The following VDAC1 variants were observed in gnomAD, a reference collection of about 807,000 sequenced individuals.
The protein encoded by VDAC1 is non-selective voltage-gated ion channel VDAC1.
In VDAC1, 10 loss-of-function variants were observed where a neutral mutation model predicts 34.7. The observed-to-expected ratio is 0.29, with a 90% CI of 0.18 to 0.49. The LOEUF (loss-of-function observed/expected upper bound fraction) is 0.49, where lower values mean the gene tolerates loss of function less well. Ranked by LOEUF, VDAC1 falls within the 20% of genes least tolerant of loss-of-function variation. The pLI, the probability that VDAC1 is intolerant of heterozygous loss-of-function variation, is 0.99. For missense variants in VDAC1, 230 were observed against 347.9 expected, an observed-to-expected ratio of 0.66 and a Z score of 2.69; for synonymous variants, 130 against 136.0, an observed-to-expected ratio of 0.96 and a Z score of 0.30.
chr5:133,994,494 G>C (rs578189800), intron 1 of VDAC1, among the ~76,000 whole-genome samples: 37 of 152,238 alleles, frequency 2.4e-4, no homozygotes, highest in Non-Finnish European at 4.4e-4. Flanking sequence ...AGAGAGATGA[G>C]GGGGGAAGAT....
the VDAC1 span, among the ~76,000 whole-genome samples, chr5:134,052,336 CT>C: frequency 3.3e-4 from 50 of 149,822 alleles, no homozygotes; most frequent in African/African-American, 8.8e-4. Context: ...TTATGTAAAA[CT>C]TTTTTTTTTG....
At chr5:134,085,225 C>A in the VDAC1 span, among the ~76,000 whole-genome samples, 3 of 152,020 alleles carry the variant, frequency 2.0e-5, no homozygotes, top group South Asian at 2.1e-4. Flanking sequence ...CCCACCACCA[C>A]GCCCGGCTAG....
At chr5:134,045,945 A>G in the VDAC1 span, among the ~76,000 whole-genome samples, 1 of 151,176 alleles carries the variant, frequency 6.6e-6, no homozygotes, top group East Asian at 1.9e-4. Context: ...TCAGCCTCCC[A>G]AAGTGCTGGG....
chr5:133,983,787 A>G (rs1752793451), intron 5 of VDAC1, among the ~76,000 whole-genome samples: 1 of 152,124 alleles, frequency 6.6e-6, no homozygotes, highest in South Asian at 2.1e-4. Flanking sequence ...TGGTTAGACC[A>G]TGGGGGTGGA....
chr5:134,013,098 C>T, the VDAC1 span, among the ~76,000 whole-genome samples: 54 of 152,204 alleles, frequency 3.5e-4, no homozygotes, highest in African/African-American at 1.1e-3. Flanking sequence ...TAACTCAAGA[C>T]GGATTAAAGA....
the VDAC1 span, among the ~76,000 whole-genome samples, chr5:134,073,455 A>C: frequency 2.0e-5 from 3 of 152,142 alleles, no homozygotes; most frequent in African/African-American, 7.2e-5. Context: ...TACCCAACAA[A>C]GTTTGAGCAT....
the VDAC1 span, among the ~76,000 whole-genome samples, chr5:134,033,324 A>C: frequency 2.6e-5 from 4 of 151,504 alleles, no homozygotes; most frequent in East Asian, 7.9e-4. Flanking sequence ...TGCCCGGCTA[A>C]TTTTTATATT....
At chr5:134,027,924 C>T in the VDAC1 span, among the ~76,000 whole-genome samples, 5 of 151,496 alleles carry the variant, frequency 3.3e-5, no homozygotes, top group Admixed American at 2.0e-4. Flanking sequence ...GCGCCCACCA[C>T]CATACCCTGC....
the VDAC1 span, among the ~76,000 whole-genome samples, chr5:134,048,425 C>A: frequency 6.6e-6 from 1 of 152,088 alleles, no homozygotes; most frequent in Non-Finnish European, 1.5e-5. Flanking sequence ...CATTAGCACG[C>A]CTGGCTAACT....
At chr5:133,976,065 G>A (rs773034774) in intron 6 of VDAC1, 44 bp from the exon 7 acceptor site, 5 of 1,612,488 alleles carry the variant, frequency 3.1e-6, no homozygotes, top group African/African-American at 1.3e-5. Context: ...CCAGGGAGGT[G>A]AGCTGCAGCC....
the VDAC1 span, among the ~76,000 whole-genome samples, chr5:134,033,112 T>C: frequency 6.7e-6 from 1 of 149,242 alleles, no homozygotes; most frequent in East Asian, 2.0e-4. Context: ...AGAAAGAAAA[T>C]ATACATGTAT....
chr5:134,049,063 A>T, the VDAC1 span, among the ~76,000 whole-genome samples: 8 of 152,328 alleles, frequency 5.3e-5, no homozygotes, highest in Admixed American at 4.6e-4. Context: ...CACTACTGTT[A>T]TCCTCATTTT....
intron 5 of VDAC1, among the ~76,000 whole-genome samples, chr5:133,981,919 T>C (rs1752715362): frequency 6.6e-6 from 1 of 152,222 alleles, no homozygotes; most frequent in African/African-American, 2.4e-5. Context: ...ACTGTTCACT[T>C]CTAGCTTTAT....
the VDAC1 span, among the ~76,000 whole-genome samples, chr5:134,078,153 AGGGCT>A: frequency 6.6e-6 from 1 of 152,218 alleles, no homozygotes; most frequent in Non-Finnish European, 1.5e-5. Flanking sequence ...TTGACTGAGC[AGGGCT>A]GGGCTGGGCT....
chr5:134,076,410 C>T, the VDAC1 span, among the ~76,000 whole-genome samples: 2 of 152,230 alleles, frequency 1.3e-5, no homozygotes, highest in Non-Finnish European at 2.9e-5. Flanking sequence ...TCACCTCAGA[C>T]ATTTCCTTTG....
rs71581380 is a variant in VDAC1, at chr5:133,979,424, C to CTTTTTTTT, written c.551+1297_551+1304dup. 2.3e-3 allele frequency among the ~76,000 whole-genome samples: 187 copies of CTTTTTTTT among 81,004 alleles called. 7 individuals carry two copies. Among genetic ancestry groups the CTTTTTTTT allele is most frequent in the Non-Finnish European group, 2.8e-3 (132 of 47,416 alleles). The allele number at this position is 81,004 out of a possible 152,430, so 53.1% of individuals were successfully genotyped here. On this transcript the variant is annotated intron_variant, in intron 6 of 8. Transcript: ENST00000265333. Reference sequence around the variant, plus strand: ...TATAATAAAATTGATATTTTCTTTGCTTTTTTTTTTTTTTTTTTTTTTTGA... The same window carrying CTTTTTTTT: ...TATAATAAAATTGATATTTTCTTTGCTTTTTTTTTTTTTTTTTTTTTTTTTTTTTTTGA...
the VDAC1 span, among the ~76,000 whole-genome samples, chr5:134,114,004 A>T: frequency 0.019 from 2,879 of 152,248 alleles, 97 homozygotes; most frequent in African/African-American, 0.065. Flanking sequence ...GGATCGGCTG[A>T]GGTCCGGTGC....
the VDAC1 span, among the ~76,000 whole-genome samples, chr5:134,073,747 G>T: frequency 1.3e-5 from 2 of 152,280 alleles, no homozygotes; most frequent in Admixed American, 6.5e-5. Context: ...GATGTGCAAA[G>T]ATCTCCAACA....
chr5:134,074,349 TAAATAAAA>T, the VDAC1 span, among the ~76,000 whole-genome samples: 2 of 138,666 alleles, frequency 1.4e-5, no homozygotes, highest in Non-Finnish European at 3.2e-5. Flanking sequence ...AATAAATAAA[TAAATAAAA>T]GCTTTGAAAT....
Sources: allele counts gnomAD v4.1 joint callset (sites outside exome capture counted in the v4.1 genomes callset), GRCh38; gene constraint gnomAD v4.1.1; transcripts MANE v1.5; gene names NCBI Gene and HGNC (gene_info 2026-07-23, HGNC 2026-07-21).